SLC7A1: variants seen among roughly 807,000 people sequenced by gnomAD.
SLC7A1 encodes solute carrier family 7 member 1, also known as high affinity cationic amino acid transporter 1.
In SLC7A1, 10 loss-of-function variants were observed where a neutral mutation model predicts 53.9. The observed-to-expected ratio is 0.19, with a 90% CI of 0.11 to 0.31. The LOEUF (loss-of-function observed/expected upper bound fraction) is 0.31. Among genes scored for constraint, SLC7A1 ranks in the 10% least tolerant of loss-of-function variants. The pLI, the probability that SLC7A1 is intolerant of heterozygous loss-of-function variation, is 1.00. For missense variants in SLC7A1, 525 were observed against 827.2 expected (o/e 0.63, Z 4.48); for synonymous variants, 342 against 338.7 (o/e 1.01, Z -0.11).
intron 1 of SLC7A1, among the ~76,000 whole-genome samples, chr13:29,557,713 TGAG>T (rs1443581339): frequency 1.8e-5 from 2 of 108,898 alleles, no homozygotes; most frequent in Non-Finnish European, 3.7e-5. Flanking sequence ...TGAATGTGAA[TGAG>T]GAGGAGAGTG....
intron 1 of SLC7A1, among the ~76,000 whole-genome samples, chr13:29,582,424 A>G (rs1260262673): frequency 4.6e-5 from 7 of 152,242 alleles, no homozygotes; most frequent in African/African-American, 1.7e-4. Flanking sequence ...CAAGGCCACT[A>G]ACGTAAACGG....
At chr13:29,540,141 C>G (rs905186924) in intron 2 of SLC7A1, among the ~76,000 whole-genome samples, 2 of 152,202 alleles carry the variant, frequency 1.3e-5, no homozygotes, top group Admixed American at 6.5e-5. Flanking sequence ...CTAACCATTC[C>G]AACCCCAGCA....
intron 8 of SLC7A1, among the ~76,000 whole-genome samples, chr13:29,520,491 C>G (rs1412133235): frequency 2.0e-5 from 3 of 152,214 alleles, no homozygotes; most frequent in African/African-American, 7.2e-5. Context: ...TCAGCCCCTT[C>G]ACTGTGTCCC....
At chr13:29,560,218 A>T (rs1229077095) in intron 1 of SLC7A1, among the ~76,000 whole-genome samples, 1 of 152,102 alleles carries the variant, frequency 6.6e-6, no homozygotes, top group East Asian at 1.9e-4. Context: ...CATAGCCAGG[A>T]TGATCAATGT....
intron 1 of SLC7A1, among the ~76,000 whole-genome samples, chr13:29,556,051 T>C (rs1185659258): frequency 6.6e-6 from 1 of 152,156 alleles, no homozygotes; most frequent in Admixed American, 6.5e-5. Flanking sequence ...CAAGGAAGAA[T>C]ATCTACAATT....
chr13:29,563,231 A>C (rs1870835915), intron 1 of SLC7A1, among the ~76,000 whole-genome samples: 1 of 152,238 alleles, frequency 6.6e-6, no homozygotes, highest in Non-Finnish European at 1.5e-5. Context: ...GCAGAGGCTA[A>C]GGATACAGCT....
At position 29,513,762 on chromosome 13, in the gene SLC7A1, C is replaced by T. The variant is rs544491244; in HGVS notation, c.*718G>A. ...CCTGGTTTACATGCATGTGCACACA[C>T]ATGCATAAGCAAAGCAGGCCCTAAT... On this transcript the variant is annotated 3_prime_UTR_variant, in exon 13 of 13. Transcript: ENST00000380752. 2 of 152,574 alleles carry T rather than the reference C, an allele frequency of 1.3e-5. No homozygotes were observed. The highest frequency in any genetic ancestry group is 1.9e-4 in the East Asian group (1 of 5,188). The allele number at this position is 152,574 out of a possible 1,614,324, so 9.5% of individuals were successfully genotyped here.
intron 1 of SLC7A1, among the ~76,000 whole-genome samples, chr13:29,569,513 G>C (rs1221914753): frequency 6.6e-6 from 1 of 152,204 alleles, no homozygotes; most frequent in Non-Finnish European, 1.5e-5. Context: ...CAGGCCCACT[G>C]CAAGTGTGAG....
chr13:29,543,271 A>G (rs986449959), intron 2 of SLC7A1, among the ~76,000 whole-genome samples: 4 of 152,242 alleles, frequency 2.6e-5, no homozygotes, highest in African/African-American at 9.6e-5. Context: ...AGAGGCACAG[A>G]GCCATTTGGG....
chr13:29,569,131 T>C (rs1319178852), intron 1 of SLC7A1, among the ~76,000 whole-genome samples: 3 of 152,136 alleles, frequency 2.0e-5, no homozygotes, highest in Admixed American at 2.0e-4. Flanking sequence ...AATCGCATCC[T>C]GTTTGCCCCC....
At chr13:29,556,926 T>C (rs905090475) in intron 1 of SLC7A1, among the ~76,000 whole-genome samples, 2 of 152,254 alleles carry the variant, frequency 1.3e-5, no homozygotes, top group African/African-American at 4.8e-5. Context: ...CTTGCTCCAG[T>C]CATAGTCTCC....
chr13:29,543,480 G>A (rs1425797825), intron 2 of SLC7A1, among the ~76,000 whole-genome samples: 3 of 152,202 alleles, frequency 2.0e-5, no homozygotes, highest in Admixed American at 6.5e-5. Context: ...CTGCCTCCCC[G>A]CCACACGCTT....
intron 5 of SLC7A1, among the ~76,000 whole-genome samples, chr13:29,526,312 T>A (rs890726728): frequency 2.1e-4 from 32 of 151,678 alleles, no homozygotes; most frequent in African/African-American, 3.1e-4. Context: ...AAAAAAAAAA[T>A]TTTTTTCTGA....
chr13:29,574,722 G>A (rs1311280142), intron 1 of SLC7A1, among the ~76,000 whole-genome samples: 2 of 142,660 alleles, frequency 1.4e-5, no homozygotes, highest in East Asian at 2.1e-4. Flanking sequence ...TCGGCTCACT[G>A]CAAGCTCCGC....
intron 1 of SLC7A1, among the ~76,000 whole-genome samples, chr13:29,563,784 G>A (rs1025046848): frequency 1.3e-5 from 2 of 150,152 alleles, no homozygotes; most frequent in African/African-American, 2.4e-5. Flanking sequence ...ATGAGATGCT[G>A]ATGCTCAGGA....
chr13:29,541,649 T>C (rs1869672273), intron 2 of SLC7A1, among the ~76,000 whole-genome samples: 1 of 152,212 alleles, frequency 6.6e-6, no homozygotes, highest in African/African-American at 2.4e-5. Flanking sequence ...GAGACTAGCA[T>C]AACTGGGAAA....
At position 29,524,216 on chromosome 13, in the gene SLC7A1, T is replaced by G. The variant is rs1868777259; in HGVS notation, c.742A>C (p.Met248Leu). The change falls in exon 6 of 13, where the codon ATG becomes CTG. Residue 248 changes from methionine to leucine, a missense_variant. Met to Leu is a conservative substitution (Grantham distance 15). Around this residue, in one of 4 missense-constraint regions of SLC7A1, gnomAD observed 354 missense variants for 587.5 expected, o/e 0.60. Coordinates refer to ENST00000380752, the MANE Select transcript of SLC7A1 (RefSeq NM_003045.5). ...KEGKPGVGGFMPFGFSGVLSG... is the reference protein window; with the variant it reads ...KEGKPGVGGFLPFGFSGVLSG... ...AGGACACCAGAGAACCCGAAGGGCA[T>G]GAATCCACCAACACCGGGCTTCCCT... 6.2e-7 allele frequency: 1 copy of G among 1,614,092 alleles called. No homozygotes were observed. The highest frequency in any genetic ancestry group is 8.5e-7 in the Non-Finnish European group (1 of 1,179,974).
At chr13:29,569,884 C>A (rs934541032) in intron 1 of SLC7A1, among the ~76,000 whole-genome samples, 1 of 152,140 alleles carries the variant, frequency 6.6e-6, no homozygotes, top group East Asian at 1.9e-4. Context: ...CCCCAAAGGC[C>A]CGCAGATCCA....
chr13:29,563,620 T>A (rs1277127306), intron 1 of SLC7A1, among the ~76,000 whole-genome samples: 1 of 151,986 alleles, frequency 6.6e-6, no homozygotes, highest in Non-Finnish European at 1.5e-5. Flanking sequence ...TTTCTAAGAG[T>A]GAAACTGACA....
Sources: gnomAD v4.1 joint callset for allele counts (sites outside exome capture counted in the v4.1 genomes callset) on GRCh38, gnomAD v4.1.1 for gene constraint, gnomAD v4.1.1 regional missense constraint, MANE v1.5 for transcripts, NCBI Gene and HGNC (gene_info 2026-07-23, HGNC 2026-07-21) for gene names.